NDUFV3: variants seen among roughly 807,000 people sequenced by gnomAD.
NDUFV3 encodes the protein NADH dehydrogenase [ubiquinone] flavoprotein 3, mitochondrial.
NDUFV3 carries 44 observed loss-of-function variants against 37.5 expected under a neutral mutation model. The ratio of observed to expected loss-of-function variants is 1.17; its 90% confidence interval spans 0.92 to 1.51. The LOEUF (loss-of-function observed/expected upper bound fraction) is 1.51. NDUFV3 is among the 40% of genes most tolerant of loss of function. NDUFV3 has a pLI of 0.00. For missense variants in NDUFV3, 580 were observed against 580.4 expected, an observed-to-expected ratio of 1.00 and a Z score of 0.01; for synonymous variants, 235 against 239.3, an observed-to-expected ratio of 0.98 and a Z score of 0.17.
intron 1 of NDUFV3, among the ~76,000 whole-genome samples, chr21:42,895,696 T>C (rs1443821624): frequency 6.6e-6 from 1 of 151,528 alleles, no homozygotes; most frequent in Admixed American, 6.6e-5. Context: ...CGTGGTATTT[T>C]GTAGGTTAAT....
In NDUFV3 at chr21:42,903,697, A is replaced by G. The variant is rs375771282; in HGVS notation, c.685A>G (p.Lys229Glu). 4 of 1,614,054 alleles carry G rather than the reference A, an allele frequency of 2.5e-6. No individual in the cohort carries two copies. The African/African-American group carries it at 5.3e-5, about 22-fold the overall frequency. The change falls in exon 3 of 4, where the codon AAG (lysine) becomes GAG (glutamate). Residue 229 changes from lysine (K) to glutamate (E), a missense_variant. Coordinates refer to ENST00000354250, the MANE Select transcript of NDUFV3 (RefSeq NM_021075.4). ...TCCAGAGAAGCCCCACCAGCCAAAG[A>G]AGAAAGGGTCCCCTGCTAAGCCATC... ...TDPEKPHQPK[K>E]KGSPAKPSEG...
rs200656693 is a variant in NDUFV3 at position 42,903,278 on chromosome 21, C to T, written c.266C>T (p.Ala89Val). 11 of 1,614,152 alleles carry T rather than the reference C, an allele frequency of 6.8e-6. No homozygotes were observed. The highest frequency in any genetic ancestry group is 9.3e-6 in the Non-Finnish European group (11 of 1,180,024). ...NLSSPSSYPP[A>V]VNKGRKVASP... is the part of the protein sequence containing the mutation. ...TCTTCACCCAGTTCTTACCCGCCAG[C>T]TGTGAATAAGGGCAGGAAGGTAGCT... is the stretch of plus-strand genomic sequence containing the variant. Residue 89 changes from alanine (A) to valine (V), a missense_variant, in exon 3 of 4, where the codon GCT becomes GTT. Physicochemically the swap from Ala to Val is moderately conservative, Grantham distance 64. Transcript: ENST00000354250.
intron 2 of NDUFV3, among the ~76,000 whole-genome samples, chr21:42,897,476 G>A (rs1206181742): frequency 1.3e-5 from 2 of 152,132 alleles, no homozygotes; most frequent in Non-Finnish European, 2.9e-5. Context: ...TGGTTTTCCA[G>A]GCTTTGCTTA....
chr21:42,905,024 C>T (rs111231797), intron 3 of NDUFV3, among the ~76,000 whole-genome samples: 1,654 of 150,662 alleles, frequency 0.011, 30 homozygotes, highest in African/African-American at 0.038. Context: ...CTCCTGACCT[C>T]ATGATCAGCC....
At position 42,903,680 on chromosome 21, in the gene NDUFV3, A is replaced by T; in HGVS notation, c.668A>T (p.Lys223Met). The change falls in exon 3 of 4, where the codon AAG (lysine) becomes ATG (methionine). Residue 223 changes from lysine (K) to methionine (M), a missense_variant. Transcript: ENST00000354250. ...KPHVDITDPE[K>M]PHQPKKKGSP... ...CATGTGGACATTACTGATCCAGAGA[A>T]GCCCCACCAGCCAAAGAAGAAAGGG... 6.2e-7 allele frequency: 1 copy of T among 1,614,136 alleles called. No homozygotes were observed. The highest frequency in any genetic ancestry group is 8.5e-7 in the Non-Finnish European group (1 of 1,180,032).
rs1356428521 is a variant in NDUFV3 at position 42,909,198 on chromosome 21, G to T, written c.*177G>T. ...ACTCTGTCACCCAGGCTGGAGTGCA[G>T]TGGCACATTCTCGGCTCACTGCAAC... is the stretch of plus-strand genomic sequence containing the variant. On this transcript the variant is annotated 3_prime_UTR_variant, in exon 4 of 4. Coordinates refer to ENST00000354250, the MANE Select transcript of NDUFV3 (RefSeq NM_021075.4). 5 of 639,434 alleles carry T rather than the reference G, an allele frequency of 7.8e-6. No individual in the cohort carries two copies. In the Admixed American group the frequency reaches 1.1e-4, roughly 15 times the overall value. 39.6% of individuals were successfully genotyped at this position (639,434 alleles called of 1,614,324 possible). A position where few individuals can be genotyped will look rare whatever the true frequency, so the allele number is the denominator to read the frequency against.
chr21:42,897,095 ATAGAT>A lies in NDUFV3; in HGVS notation c.169+52_169+56del, dbSNP rs766866501. The A allele has an allele frequency of 1.9e-6, 3 of 1,606,932 alleles. No homozygotes were observed. The Admixed American group carries it at 5.0e-5, about 27-fold the overall frequency. On this transcript the variant is annotated intron_variant, in intron 2 of 3. Coordinates refer to ENST00000354250, the MANE Select transcript of NDUFV3 (RefSeq NM_021075.4). The stretch of plus-strand genomic sequence containing the variant: ...AAGGGAAAGAGAATGCAAAAAGAAA[ATAGAT>A]TAGTCAGCCTTCGAAGCACGACAGT...
In NDUFV3 at chr21:42,910,973, T is replaced by C. The variant is rs1394298712; in HGVS notation, c.*1952T>C. On this transcript the variant is annotated 3_prime_UTR_variant, in exon 4 of 4. Transcript: ENST00000354250. ...AATGTAGGTGAGGGCCAGGGCACGG[T>C]GGCTTACGCCTGTAATCCCAGCACT... 6.6e-6 allele frequency: 1 copy of C among 152,586 alleles called. No homozygotes were observed. Among genetic ancestry groups the C allele is most frequent in the Non-Finnish European group, 1.5e-5 (1 of 68,328 alleles). 9.5% of individuals were successfully genotyped at this position (152,586 alleles called of 1,614,324 possible). A position where few individuals can be genotyped will look rare whatever the true frequency, so the allele number is the denominator to read the frequency against.
At chr21:42,898,545 C>T (rs1262486589) in intron 2 of NDUFV3, among the ~76,000 whole-genome samples, 3 of 152,226 alleles carry the variant, frequency 2.0e-5, no homozygotes, top group Non-Finnish European at 4.4e-5. Context: ...TCATAGGTCA[C>T]TGCAGCCTCG....
At position 42,903,438 on chromosome 21, in the gene NDUFV3, T is replaced by C; in HGVS notation, c.426T>C (p.Arg142=). The change falls in exon 3 of 4, where the codon CGT becomes CGC. Residue 142 remains arginine, a synonymous_variant. Transcript: ENST00000354250. ...AACAGGGCTCTGATTCAGAAGCTCG[T>C]CAGGTGGGTCGGAAAGTGACGTCGC... ...FRKQGSDSEA[R]QVGRKVTSPS... 1 of 1,614,210 alleles carries C rather than the reference T, an allele frequency of 6.2e-7. No individual in the cohort carries two copies. Among genetic ancestry groups the C allele is most frequent in the Non-Finnish European group, 8.5e-7 (1 of 1,180,050 alleles).
rs769761887 is a variant in NDUFV3 at position 42,903,448 on chromosome 21, C to G, written c.436C>G (p.Arg146Gly). 1 of 1,613,940 alleles carries G rather than the reference C, an allele frequency of 6.2e-7. No individual in the cohort carries two copies. The highest frequency in any genetic ancestry group is 8.5e-7 in the Non-Finnish European group (1 of 1,179,952). ...GSDSEARQVG[R>G]KVTSPSSSSS... ...TGATTCAGAAGCTCGTCAGGTGGGTCGGAAAGTGACGTCGCCTTCGTCTTC... is the reference window on the plus strand; with the variant it reads ...TGATTCAGAAGCTCGTCAGGTGGGTGGGAAAGTGACGTCGCCTTCGTCTTC... The change falls in exon 3 of 4, where the codon CGG (arginine) becomes GGG (glycine). Residue 146 changes from arginine to glycine, a missense_variant. Physicochemically the swap from Arg to Gly is moderately radical, Grantham distance 125. Coordinates refer to ENST00000354250, the MANE Select transcript of NDUFV3 (RefSeq NM_021075.4).
At chr21:42,902,149 G>A (rs972556575) in intron 2 of NDUFV3, among the ~76,000 whole-genome samples, 2 of 151,874 alleles carry the variant, frequency 1.3e-5, no homozygotes, top group Admixed American at 6.6e-5. Context: ...CAGAGGTTGC[G>A]GTGACTGGAG....
At chr21:42,906,781 C>T (rs923933913) in intron 3 of NDUFV3, 11 of 485,190 alleles carry the variant, frequency 2.3e-5, no homozygotes, top group African/African-American at 9.9e-5. Context: ...TTGTAACCCA[C>T]GTCTTGGTCA....
Position 42,903,548 on chromosome 21 carries a change from G to A in NDUFV3, c.536G>A (p.Ser179Asn), listed in dbSNP as rs774392193. 1 of 1,614,088 alleles carries A rather than the reference G, an allele frequency of 6.2e-7. No individual in the cohort carries two copies. The highest frequency in any genetic ancestry group is 8.5e-7 in the Non-Finnish European group (1 of 1,180,030). Reference protein sequence around the residue: ...DVSEVTPRVVSKGRGGLRKPE... With the variant: ...DVSEVTPRVVNKGRGGLRKPE... ...TCAGAGGTCACTCCTCGAGTGGTGA[G>A]CAAAGGCAGAGGGGGGCTTCGAAAA... is the stretch of plus-strand genomic sequence containing the variant. Residue 179 changes from serine to asparagine, a missense_variant, in exon 3 of 4, where the codon AGC (serine) becomes AAC (asparagine). Transcript: ENST00000354250.
chr21:42,903,533 C>T lies in NDUFV3; in HGVS notation c.521C>T (p.Thr174Ile), dbSNP rs200448757. 8.9e-5 allele frequency: 144 copies of T among 1,614,056 alleles called. No individual in the cohort carries two copies. Among genetic ancestry groups the T allele is most frequent in the Non-Finnish European group, 1.2e-4 (140 of 1,180,046 alleles). ...GATGAGGCTGACGTTTCAGAGGTCA[C>T]TCCTCGAGTGGTGAGCAAAGGCAGA... ...SDDEADVSEV[T>I]PRVVSKGRGG... Residue 174 changes from threonine to isoleucine, a missense_variant, in exon 3 of 4, where the codon ACT (threonine) becomes ATT (isoleucine). Coordinates refer to ENST00000354250, the MANE Select transcript of NDUFV3 (RefSeq NM_021075.4).
Position 42,904,158 on chromosome 21 carries a change from A to C in NDUFV3, c.1146A>C (p.Thr382=), listed in dbSNP as rs778499676. The C allele has an allele frequency of 1.2e-6, 2 of 1,614,250 alleles. No individual in the cohort carries two copies. The highest frequency in any genetic ancestry group is 1.7e-6 in the Non-Finnish European group (2 of 1,180,042). Residue 382 remains threonine (T), a synonymous_variant, in exon 3 of 4, where the codon ACA becomes ACC. Coordinates refer to ENST00000354250, the MANE Select transcript of NDUFV3 (RefSeq NM_021075.4). ...AGATACCACCAAGCAATTTGGAGAC[A>C]GTTCCTGTTGAGAATAACCACGGTT... ...EDQIPPSNLE[T]VPVENNHGFH...
At chr21:42,896,367 A>G (rs184067672) in intron 1 of NDUFV3, among the ~76,000 whole-genome samples, 1 of 150,236 alleles carries the variant, frequency 6.7e-6, no homozygotes, top group African/African-American at 2.4e-5. Flanking sequence ...CGTGTTAGCC[A>G]GGATAGTCTC....
In NDUFV3 at chr21:42,903,235, G is replaced by A; in HGVS notation, c.223G>A (p.Glu75Lys). 6.2e-7 allele frequency: 1 copy of A among 1,614,170 alleles called. No individual in the cohort carries two copies. Among genetic ancestry groups the A allele is most frequent in the East Asian group, 2.2e-5 (1 of 44,882 alleles). ...GCTCCTAGCCACCCAGACAGCAGCT[G>A]AATTGTCTAAAAACTTATCTTCACC... Reference protein sequence around the residue: ...GKLLATQTAAELSKNLSSPSS... With the variant: ...GKLLATQTAAKLSKNLSSPSS... The change falls in exon 3 of 4, where the codon GAA becomes AAA. Residue 75 changes from glutamate to lysine, a missense_variant. By Grantham distance (56) the Glu-to-Lys change is moderately conservative. Transcript: ENST00000354250.
At chr21:42,900,911 G>C (rs1568858127) in intron 2 of NDUFV3, among the ~76,000 whole-genome samples, 1 of 152,134 alleles carries the variant, frequency 6.6e-6, no homozygotes, top group Admixed American at 6.6e-5. Context: ...GTGCACCTTG[G>C]GGAACCGCTG....
Sources: gnomAD v4.1 joint callset for allele counts (sites outside exome capture counted in the v4.1 genomes callset) on GRCh38, gnomAD v4.1.1 for gene constraint, MANE v1.5 for transcripts, NCBI Gene and HGNC (gene_info 2026-07-23, HGNC 2026-07-21) for gene names.